COL5A2: variants seen among roughly 807,000 people sequenced by gnomAD.
COL5A2 encodes collagen type V alpha 2 chain.
COL5A2 carries 23 observed loss-of-function variants against 208.2 expected under a neutral mutation model. The ratio of observed to expected loss-of-function variants is 0.11; its 90% CI spans 0.08 to 0.16. The LOEUF is 0.16. Among genes scored for constraint, COL5A2 ranks in the 10% least tolerant of loss-of-function variants. COL5A2 has a pLI of 1.00. For missense variants in COL5A2, 1,590 were observed against 1,956.4 expected (o/e 0.81, Z 3.53); for synonymous variants, 625 against 628.5 (o/e 0.99, Z 0.08).
chr2:189,371,050 G>C, the COL5A2 span, among the ~76,000 whole-genome samples: 1 of 152,066 alleles, frequency 6.6e-6, no homozygotes, highest in East Asian at 1.9e-4. Context: ...GTTCTCCCTC[G>C]AATAGTTCCT....
chr2:189,281,521 A>G, the COL5A2 span, among the ~76,000 whole-genome samples: 2 of 152,190 alleles, frequency 1.3e-5, no homozygotes, highest in East Asian at 3.8e-4. Flanking sequence ...AATAGTGACA[A>G]AAGAAGAATA....
At chr2:189,113,569 A>G (rs1392498803) in intron 1 of COL5A2, among the ~76,000 whole-genome samples, 1 of 149,296 alleles carries the variant, frequency 6.7e-6, no homozygotes, top group Admixed American at 6.7e-5. Context: ...AACATTGTGG[A>G]GTGCTATATT....
the COL5A2 span, among the ~76,000 whole-genome samples, chr2:189,323,787 C>G: frequency 1.2e-4 from 19 of 152,156 alleles, no homozygotes; most frequent in Non-Finnish European, 2.4e-4. Flanking sequence ...CATCAAGCTA[C>G]CAATGCCTTT....
At chr2:189,227,079 C>T (rs1689430506), upstream of COL5A2, among the ~76,000 whole-genome samples, 1 of 152,064 alleles carries the variant, frequency 6.6e-6, no homozygotes, top group African/African-American at 2.4e-5. Context: ...CTTTGAGAGG[C>T]CTTCAGAATC....
the COL5A2 span, among the ~76,000 whole-genome samples, chr2:189,378,018 C>G: frequency 1.3e-5 from 2 of 152,134 alleles, no homozygotes; most frequent in East Asian, 3.9e-4. Flanking sequence ...CTAACTTAAA[C>G]TTGGAGAGCA....
chr2:189,121,736 C>CAGAA (rs1491548734), intron 1 of COL5A2, among the ~76,000 whole-genome samples: 1 of 77,700 alleles, frequency 1.3e-5, no homozygotes, highest in Non-Finnish European at 2.3e-5. Context: ...GACTCCGTCT[C>CAGAA]AAAAAAAAAA....
intron 16 of COL5A2, among the ~76,000 whole-genome samples, chr2:189,076,799 A>G (rs958195800): frequency 1.3e-5 from 2 of 152,140 alleles, no homozygotes; most frequent in Admixed American, 6.6e-5. Context: ...GAAGAACTTC[A>G]GCTGGGCCCG....
the COL5A2 span, among the ~76,000 whole-genome samples, chr2:189,358,475 A>G: frequency 6.6e-6 from 1 of 152,202 alleles, no homozygotes. Context: ...GGGTTGCTAT[A>G]GCCTTGTAGG....
At chr2:189,276,593 T>C in the COL5A2 span, among the ~76,000 whole-genome samples, 15 of 152,156 alleles carry the variant, frequency 9.9e-5, no homozygotes, top group South Asian at 2.1e-4. Flanking sequence ...AAATTTTCCA[T>C]AGGAATTGCT....
At chr2:189,378,906 T>A in the COL5A2 span, among the ~76,000 whole-genome samples, 2 of 152,196 alleles carry the variant, frequency 1.3e-5, no homozygotes, top group African/African-American at 4.8e-5. Flanking sequence ...CTGGAAAATC[T>A]TATGACTATT....
the COL5A2 span, among the ~76,000 whole-genome samples, chr2:189,275,508 C>T: frequency 0.016 from 2,269 of 145,618 alleles, 51 homozygotes; most frequent in African/African-American, 0.055. Context: ...GGCTGGAGTG[C>T]AATGGCACAA....
intron 3 of COL5A2, among the ~76,000 whole-genome samples, chr2:189,102,602 T>C (rs947780105): frequency 1.3e-5 from 2 of 152,132 alleles, no homozygotes; most frequent in African/African-American, 4.8e-5. Flanking sequence ...GCATTACAAT[T>C]ACTTATCATT....
the COL5A2 span, among the ~76,000 whole-genome samples, chr2:189,333,487 G>T: frequency 6.6e-6 from 1 of 151,930 alleles, no homozygotes; most frequent in East Asian, 1.9e-4. Context: ...CTTAAAACTC[G>T]CACAAGAAAA....
chr2:189,295,904 T>G, the COL5A2 span, among the ~76,000 whole-genome samples: 1 of 151,874 alleles, frequency 6.6e-6, no homozygotes, highest in African/African-American at 2.4e-5. Context: ...GACAGAACAT[T>G]TTCATCATCT....
intron 4 of COL5A2, 54 bp from the exon 5 acceptor site, chr2:189,098,813 G>A: frequency 7.7e-7 from 1 of 1,291,728 alleles, no homozygotes; most frequent in Non-Finnish European, 1.1e-6. Context: ...GATATTCAGA[G>A]AGGTCAATAG....
At chr2:189,421,752 G>C in the COL5A2 span, among the ~76,000 whole-genome samples, 36 of 152,292 alleles carry the variant, frequency 2.4e-4, no homozygotes, top group African/African-American at 8.4e-4. Flanking sequence ...ATCTACAGTG[G>C]CCTTGGGCCT....
the COL5A2 span, among the ~76,000 whole-genome samples, chr2:189,236,480 C>A: frequency 6.6e-6 from 1 of 151,912 alleles, no homozygotes; most frequent in East Asian, 1.9e-4. Flanking sequence ...ATTTACAACT[C>A]CTATCAATAA....
chr2:189,232,225 T>C, the COL5A2 span, among the ~76,000 whole-genome samples: 1 of 151,882 alleles, frequency 6.6e-6, no homozygotes, highest in Non-Finnish European at 1.5e-5. Context: ...ACTAGAGACA[T>C]AGATAAGCAC....
chr2:189,136,915 T>G (rs1175457599), intron 1 of COL5A2, among the ~76,000 whole-genome samples: 1 of 152,188 alleles, frequency 6.6e-6, no homozygotes, highest in Non-Finnish European at 1.5e-5. Context: ...CTGAACTTTA[T>G]TTTCATTTTA....
Sources: allele counts gnomAD v4.1 joint callset (sites outside exome capture counted in the v4.1 genomes callset), GRCh38; gene constraint gnomAD v4.1.1; transcripts MANE v1.5; gene names NCBI Gene and HGNC (gene_info 2026-07-23, HGNC 2026-07-21).